The following ACTN2 variants were observed in gnomAD, a reference collection of about 807,000 sequenced individuals.
The protein encoded by ACTN2 is actinin alpha 2, also known as alpha-actinin-2.
In ACTN2, 39 loss-of-function variants were observed where a neutral mutation model predicts 113.8. The ratio of observed to expected loss-of-function variants is 0.34; its 90% CI spans 0.27 to 0.45. The LOEUF (loss-of-function observed/expected upper bound fraction) is 0.45, where lower values mean the gene tolerates loss of function less well. Ranked by LOEUF, ACTN2 falls within the 20% of genes least tolerant of loss-of-function variation. The pLI is 1.00. For synonymous variants in ACTN2, 429 were observed against 444.1 expected (o/e 0.97, Z 0.43); for missense variants, 992 against 1,177.9 (o/e 0.84, Z 2.31).
chr1:236,705,462 A>G (rs1042351180), intron 1 of ACTN2, among the ~76,000 whole-genome samples: 1 of 152,264 alleles, frequency 6.6e-6, no homozygotes, highest in Admixed American at 6.5e-5. Flanking sequence ...AGGGTAAGAC[A>G]CATTTGTGGA....
At chr1:236,717,719 A>T in intron 1 of ACTN2, 139 bp from the exon 2 acceptor site, 2 of 691,422 alleles carry the variant, frequency 2.9e-6, no homozygotes. Flanking sequence ...CTTTCCATCA[A>T]ATTCTGCATC....
chr1:236,717,819 G>A (rs769517159), intron 1 of ACTN2, 39 bp from the exon 2 acceptor site: 17 of 1,420,856 alleles, frequency 1.2e-5, no homozygotes, highest in East Asian at 9.1e-5. Flanking sequence ...TCTGAAATCC[G>A]ATGGACCTGT....
At position 236,754,955 on chromosome 1, in the gene ACTN2, C is replaced by A; in HGVS notation, c.1975-64C>A. 6.2e-7 allele frequency: 1 copy of A among 1,603,924 alleles called. No individual in the cohort carries two copies. The highest frequency in any genetic ancestry group is 8.5e-7 in the Non-Finnish European group (1 of 1,171,684). On this transcript the variant is annotated intron_variant, in intron 16 of 20. Transcript: ENST00000366578. The surrounding 1 kb of genome is among the most constrained non-coding windows in gnomAD (Gnocchi z 4.9). ...GCAGGGTCTGGAACGGCGCCTCGTG[C>A]CGAGCTCCCTTAGAGGGCACTTCAC...
chr1:236,687,066 G>T (rs1665899332), intron 1 of ACTN2, among the ~76,000 whole-genome samples: 1 of 152,104 alleles, frequency 6.6e-6, no homozygotes, highest in South Asian at 2.1e-4. Flanking sequence ...ACCCGCGTTA[G>T]ACCAGATCTG....
chr1:236,710,123 C>T (rs181621854), intron 1 of ACTN2, among the ~76,000 whole-genome samples: 5 of 152,228 alleles, frequency 3.3e-5, no homozygotes, highest in East Asian at 3.9e-4. Flanking sequence ...TTCGGGTCCC[C>T]GTCTGTGTAC....
chr1:236,731,287 G>T lies in ACTN2; in HGVS notation c.670G>T (p.Asp224Tyr). Reference protein sequence around the residue: ...LAMEIAEKHLDIPKMLDAEDI... With the variant: ...LAMEIAEKHLYIPKMLDAEDI... The stretch of plus-strand genomic sequence containing the variant: ...CATGGAAATCGCTGAGAAGCACCTG[G>T]ATATTCCTAAAATGTTGGATGCTGA... Residue 224 changes from aspartate (D) to tyrosine (Y), a missense_variant, in exon 7 of 21, where the codon GAT becomes TAT. This residue lies in a region of ACTN2 where 220 missense variants were observed against 337.5 expected (regional missense o/e 0.65). Transcript: ENST00000366578. 1 of 1,613,854 alleles carries T rather than the reference G, an allele frequency of 6.2e-7. No individual in the cohort carries two copies.
chr1:236,688,026 A>C, intron 1 of ACTN2, among the ~76,000 whole-genome samples: 1 of 152,208 alleles, frequency 6.6e-6, no homozygotes, highest in East Asian at 1.9e-4. Flanking sequence ...GGGAGTAATA[A>C]ATAGAAAAAA....
intron 1 of ACTN2, among the ~76,000 whole-genome samples, chr1:236,689,525 T>C (rs950795618): frequency 3.3e-5 from 5 of 151,796 alleles, no homozygotes; most frequent in Admixed American, 2.6e-4. Flanking sequence ...ATTTTTTTAT[T>C]TTAAAAACTT....
intron 7 of ACTN2, among the ~76,000 whole-genome samples, chr1:236,732,374 C>G (rs553568248): frequency 1.3e-5 from 2 of 152,260 alleles, no homozygotes; most frequent in South Asian, 2.1e-4. Flanking sequence ...CAATCTCTCC[C>G]TCTGTCTTCA....
rs892152228 is a variant in ACTN2, at chr1:236,731,366, T to C, written c.697+52T>C. The C allele has an allele frequency of 2.8e-6, 4 of 1,453,084 alleles. 1 individual carries two copies. Among genetic ancestry groups the C allele is most frequent in the Non-Finnish European group, 3.9e-6 (4 of 1,033,886 alleles). The allele number at this position is 1,453,084 out of a possible 1,614,324, so 90.0% of individuals were successfully genotyped here. A position where few individuals can be genotyped will look rare whatever the true frequency, so the allele number is the denominator to read the frequency against. On this transcript the variant is annotated intron_variant, in intron 7 of 20. Coordinates refer to ENST00000366578, the MANE Select transcript of ACTN2 (RefSeq NM_001103.4). ...TTACAGGAAATTTGAAGACTACAAA[T>C]GTTATGGCTACACATTGGGACCTTG...
In ACTN2 at chr1:236,759,757, A is replaced by G. The variant is rs1486913513; in HGVS notation, c.2335A>G (p.Arg779Gly). 2 of 1,614,048 alleles carry G rather than the reference A, an allele frequency of 1.2e-6. No individual in the cohort carries two copies. Among genetic ancestry groups the G allele is most frequent in the Non-Finnish European group, 1.7e-6 (2 of 1,180,002 alleles). ...KNGLMDHEDF[R>G]ACLISMGYDL... is the part of the protein sequence containing the mutation. ...TGGCCTGATGGATCATGAGGATTTC[A>G]GAGCCTGCCTGATTTCCATGGGTTA... Residue 779 changes from arginine to glycine, a missense_variant, in exon 19 of 21, where the codon AGA becomes GGA. Coordinates refer to ENST00000366578, the MANE Select transcript of ACTN2 (RefSeq NM_001103.4).
At chr1:236,711,739 T>C (rs1308143033) in intron 1 of ACTN2, among the ~76,000 whole-genome samples, 3 of 152,224 alleles carry the variant, frequency 2.0e-5, no homozygotes, top group Non-Finnish European at 4.4e-5. Flanking sequence ...TGAAACTTTT[T>C]ATGTGCCTAC....
intron 1 of ACTN2, among the ~76,000 whole-genome samples, chr1:236,709,224 A>G (rs12737150): frequency 0.064 from 1,979 of 30,752 alleles, 77 homozygotes; most frequent in East Asian, 0.23. Context: ...ATGACTGTAT[A>G]TATATATATA....
chr1:236,727,185 GAA>G (rs3835676), intron 5 of ACTN2, among the ~76,000 whole-genome samples: 137 of 151,504 alleles, frequency 9.0e-4, no homozygotes, highest in Non-Finnish European at 1.4e-3. Context: ...AAAAGAAAAA[GAA>G]AAAAAAAAGA....
chr1:236,697,966 GTTTCACCATGT>G (rs1167915228), intron 1 of ACTN2, among the ~76,000 whole-genome samples: 2 of 146,094 alleles, frequency 1.4e-5, no homozygotes, highest in Non-Finnish European at 3.0e-5. Context: ...CAGAGACAAG[GTTTCACCATGT>G]TCATCAGGCT....
intron 17 of ACTN2, 144 bp from the exon 18 acceptor site, chr1:236,757,342 G>A: frequency 9.4e-7 from 1 of 1,062,464 alleles, no homozygotes; most frequent in Non-Finnish European, 1.4e-6. Context: ...TGACAAAGTA[G>A]AATTTTTTTT....
chr1:236,735,437 C>G (rs1338689283), intron 7 of ACTN2, among the ~76,000 whole-genome samples, 198 bp from the exon 8 acceptor site: 1 of 152,162 alleles, frequency 6.6e-6, no homozygotes, highest in Non-Finnish European at 1.5e-5. Context: ...CATGCTGGCT[C>G]AAACCATCCT....
chr1:236,701,916 G>A lies in ACTN2; in HGVS notation c.126+15117G>A, dbSNP rs115302707. The stretch of plus-strand genomic sequence containing the variant: ...AGACACAGGTAGGGCTGTCACCATG[G>A]AGGCCTTTAAGAACTTGGTAGGGAA... On this transcript the variant is annotated intron_variant, in intron 1 of 20. Coordinates refer to ENST00000366578, the MANE Select transcript of ACTN2 (RefSeq NM_001103.4). Among the ~76,000 whole-genome samples, 370 of 152,294 alleles carry A rather than the reference G, an allele frequency of 2.4e-3. 3 individuals carry two copies. The highest frequency in any genetic ancestry group is 8.7e-3 in the African/African-American group (361 of 41,546).
chr1:236,709,558 C>T (rs557336839), intron 1 of ACTN2, among the ~76,000 whole-genome samples: 1 of 151,646 alleles, frequency 6.6e-6, no homozygotes, highest in African/African-American at 2.4e-5. Flanking sequence ...TGTCCCACCC[C>T]ACAGGATGCA....
Sources: allele counts gnomAD v4.1 joint callset (sites outside exome capture counted in the v4.1 genomes callset), GRCh38; gene constraint gnomAD v4.1.1; regional missense constraint gnomAD v4.1.1; non-coding constraint Gnocchi (gnomAD v3.1); transcripts MANE v1.5; gene names NCBI Gene and HGNC (gene_info 2026-07-23, HGNC 2026-07-21).